Variants in GPR15LG observed in about 807,000 individuals in gnomAD.
The protein encoded by GPR15LG is G protein-coupled receptor 15 ligand.
the GPR15LG span, among the ~76,000 whole-genome samples, chr10:84,181,423 C>CT: frequency 6.6e-6 from 1 of 151,484 alleles, no homozygotes; most frequent in Non-Finnish European, 1.5e-5. Context: ...AGCAGCAAGT[C>CT]TTTTTGTTGT....
the GPR15LG span, among the ~76,000 whole-genome samples, chr10:84,184,079 G>A: frequency 6.6e-6 from 1 of 151,684 alleles, no homozygotes; most frequent in African/African-American, 2.4e-5. Flanking sequence ...CAGTACTTTG[G>A]GAGGCTGAGG....
the GPR15LG span, chr10:84,173,983 T>C: frequency 1.5e-6 from 2 of 1,327,274 alleles, no homozygotes; most frequent in Non-Finnish European, 2.2e-6. Flanking sequence ...AAGACTCTGA[T>C]CAGGATTTGT....
At chr10:84,174,056 C>T in the GPR15LG span, 708 of 708,732 alleles carry the variant, frequency 1.0e-3, 4 homozygotes, top group African/African-American at 0.011. Flanking sequence ...AAGATGGGCT[C>T]TTTCTCCTGA....
the GPR15LG span, chr10:84,184,614 A>G: frequency 6.6e-7 from 1 of 1,511,578 alleles, no homozygotes; most frequent in Non-Finnish European, 9.2e-7. Flanking sequence ...CTCTCTCCCC[A>G]CAACCTGGCT....
At chr10:84,178,537 C>T in the GPR15LG span, among the ~76,000 whole-genome samples, 1 of 151,726 alleles carries the variant, frequency 6.6e-6, no homozygotes, top group Admixed American at 6.6e-5. Context: ...CACCACAATA[C>T]ACTCACAGAC....
chr10:84,185,085 G>C, the GPR15LG span: 36 of 1,181,726 alleles, frequency 3.0e-5, no homozygotes, highest in African/African-American at 4.4e-4. Flanking sequence ...CATCAATCCT[G>C]CTAGAGTGCA....
the GPR15LG span, chr10:84,184,782 A>G: frequency 2.5e-6 from 4 of 1,613,124 alleles, no homozygotes; most frequent in Non-Finnish European, 3.4e-6. Context: ...CCAAAGCAAG[A>G]CTCCAGACAG....
At chr10:84,178,633 C>T in the GPR15LG span, among the ~76,000 whole-genome samples, 1 of 152,094 alleles carries the variant, frequency 6.6e-6, no homozygotes, top group Non-Finnish European at 1.5e-5. Flanking sequence ...ACACACACTA[C>T]ACACACAGAT....
the GPR15LG span, among the ~76,000 whole-genome samples, chr10:84,175,872 C>CT: frequency 6.6e-6 from 1 of 151,792 alleles, no homozygotes; most frequent in Non-Finnish European, 1.5e-5. Context: ...TTTATTCAGG[C>CT]TTTTTTTCTT....
the GPR15LG span, among the ~76,000 whole-genome samples, chr10:84,181,056 A>G: frequency 1.3e-5 from 2 of 151,940 alleles, no homozygotes; most frequent in African/African-American, 4.8e-5. Context: ...GCCTTGGCTC[A>G]GCATCAGAGG....
At chr10:84,181,082 G>GGAGGGA in the GPR15LG span, among the ~76,000 whole-genome samples, 4 of 145,608 alleles carry the variant, frequency 2.7e-5, no homozygotes, top group East Asian at 7.8e-4. Context: ...CGTGCAAAGA[G>GGAGGGA]GAGGGAGAGG....
the GPR15LG span, chr10:84,176,491 C>T: frequency 6.8e-6 from 11 of 1,613,558 alleles, no homozygotes; most frequent in Non-Finnish European, 9.3e-6. Flanking sequence ...GAAGAGGCGT[C>T]CTGCCAAGGC....
the GPR15LG span, chr10:84,185,076 A>AT: frequency 8.4e-7 from 1 of 1,197,132 alleles, no homozygotes; most frequent in African/African-American, 1.6e-5. Context: ...TCCAGAGACC[A>AT]TCAATCCTGC....
At chr10:84,173,953 G>A in the GPR15LG span, 1 of 1,521,866 alleles carries the variant, frequency 6.6e-7, no homozygotes, top group Non-Finnish European at 9.1e-7. Flanking sequence ...AGATCCCTGA[G>A]CAGGATTTCA....
the GPR15LG span, among the ~76,000 whole-genome samples, chr10:84,183,828 T>C: frequency 6.6e-6 from 1 of 152,024 alleles, no homozygotes; most frequent in Non-Finnish European, 1.5e-5. Flanking sequence ...GTATTTTTGG[T>C]AGAGACGGCA....
At chr10:84,184,640 T>C in the GPR15LG span, 1 of 1,607,960 alleles carries the variant, frequency 6.2e-7, no homozygotes. Flanking sequence ...CTCGCCATCT[T>C]CCTGTCCTTG....
the GPR15LG span, among the ~76,000 whole-genome samples, chr10:84,175,569 A>G: frequency 1.3e-5 from 2 of 152,232 alleles, no homozygotes; most frequent in Non-Finnish European, 2.9e-5. Flanking sequence ...CAGTGGCATG[A>G]CCACGGCTCA....
At chr10:84,184,115 T>A in the GPR15LG span, among the ~76,000 whole-genome samples, 18 of 150,468 alleles carry the variant, frequency 1.2e-4, no homozygotes, top group African/African-American at 4.2e-4. Context: ...AGGCCAGGAG[T>A]TCGTGACTAG....
At chr10:84,184,127 C>T in the GPR15LG span, among the ~76,000 whole-genome samples, 48 of 149,994 alleles carry the variant, frequency 3.2e-4, no homozygotes, top group Non-Finnish European at 6.6e-4. Flanking sequence ...CGTGACTAGC[C>T]TAGGCGACAT....
Sources: allele counts gnomAD v4.1 joint callset (sites outside exome capture counted in the v4.1 genomes callset), GRCh38; gene constraint gnomAD v4.1.1; transcripts MANE v1.5; gene names NCBI Gene and HGNC (gene_info 2026-07-23, HGNC 2026-07-21).